The following SACS variants were observed in gnomAD, a reference collection of about 807,000 sequenced individuals.
The protein encoded by SACS is sacsin.
A neutral mutation model predicts 348.0 loss-of-function variants in SACS; 197 were observed. The ratio of observed to expected loss-of-function variants is 0.57; its 90% CI spans 0.50 to 0.64. The LOEUF (loss-of-function observed/expected upper bound fraction) is 0.64, where lower values mean the gene tolerates loss of function less well. SACS is among the 30% of genes least tolerant of loss of function. The pLI is 0.00. For missense variants in SACS, 4,999 were observed against 5,360.8 expected, an observed-to-expected ratio of 0.93 and a Z score of 2.11; for synonymous variants, 1,985 against 1,910.6, an observed-to-expected ratio of 1.04 and a Z score of -1.02.
In SACS at chr13:23,338,193, T is replaced by C. The variant is rs1335665800; in HGVS notation, c.5683A>G (p.Asn1895Asp). The C allele has an allele frequency of 1.2e-6, 2 of 1,614,074 alleles. No homozygotes were observed. The highest frequency in any genetic ancestry group is 1.7e-6 in the Non-Finnish European group (2 of 1,180,026). Residue 1895 changes from asparagine (N) to aspartate (D), a missense_variant, in exon 10 of 10, where the codon AAT becomes GAT. Asn to Asp is a conservative substitution (Grantham distance 23, BLOSUM62 1). Transcript: ENST00000382292. Reference sequence around the variant, plus strand: ...TCTGTTTTCCAGATTTCTTTCCTATTTGATGTAACAGCAAAGCACCCATTG... The same window carrying C: ...TCTGTTTTCCAGATTTCTTTCCTATCTGATGTAACAGCAAAGCACCCATTG... ...HINGCFAVTS[N>D]RKEIWKTDTK...
At chr13:23,400,926 T>C (rs1872948891) in intron 2 of SACS, among the ~76,000 whole-genome samples, 1 of 152,230 alleles carries the variant, frequency 6.6e-6, no homozygotes, top group Non-Finnish European at 1.5e-5. Context: ...ACCTTGTAAA[T>C]AGAGTGGTGT....
At chr13:23,377,493 C>T (rs139396549) in intron 2 of SACS, among the ~76,000 whole-genome samples, 54 of 152,260 alleles carry the variant, frequency 3.5e-4, no homozygotes, top group Non-Finnish European at 6.9e-4. Context: ...GACATCTTTG[C>T]TCCCAAATAG....
rs1868952065 is a variant in SACS, at chr13:23,339,140, A to G, written c.4736T>C (p.Ile1579Thr). ...IPIIMSREFM[I>T]MFDPNINHIS... is the part of the protein sequence containing the mutation. ...ATGATTTATGTTTGGATCGAACATT[A>G]TCATGAATTCCCGACTCATAATGAT... The change falls in exon 10 of 10, where the codon ATA becomes ACA. Residue 1579 changes from isoleucine (I) to threonine (T), a missense_variant. Coordinates refer to ENST00000382292, the MANE Select transcript of SACS (RefSeq NM_014363.6). The G allele has an allele frequency of 3.7e-6, 6 of 1,611,680 alleles. No homozygotes were observed. The highest frequency in any genetic ancestry group is 5.1e-6 in the Non-Finnish European group (6 of 1,178,482).
At position 23,355,287 on chromosome 13, in the gene SACS, C is replaced by T. The variant is rs1466258512; in HGVS notation, c.1325G>A (p.Gly442Glu). The T allele has an allele frequency of 6.2e-7, 1 of 1,614,144 alleles. No individual in the cohort carries two copies. The highest frequency in any genetic ancestry group is 8.5e-7 in the Non-Finnish European group (1 of 1,180,042). Residue 442 changes from glycine to glutamate, a missense_variant, in exon 8 of 10, where the codon GGA becomes GAA. Coordinates refer to ENST00000382292, the MANE Select transcript of SACS (RefSeq NM_014363.6). Reference protein sequence around the residue: ...EAKGATSDFSGKAFCFLPLPP... With the variant: ...EAKGATSDFSEKAFCFLPLPP... ...TAAAGGAAGGAAACAAAATGCTTTT[C>T]CTGAGAAATCAGACGTTGCTCCTTT...
At chr13:23,354,173 T>C (rs910909768) in intron 8 of SACS, among the ~76,000 whole-genome samples, 10 of 152,226 alleles carry the variant, frequency 6.6e-5, no homozygotes, top group Non-Finnish European at 8.8e-5. Context: ...TTACTTAATA[T>C]ACTATTTTTC....
chr13:23,337,564 C>T lies in SACS; in HGVS notation c.6312G>A (p.Gly2104=). 1.2e-6 allele frequency: 2 copies of T among 1,613,856 alleles called. No homozygotes were observed. The highest frequency in any genetic ancestry group is 1.7e-6 in the Non-Finnish European group (2 of 1,179,892). ...VTPCIPCSLE[G]HPLVLPSRLI... is the part of the protein sequence containing the mutation. ...ATCTTGATGGCAAAACCAAAGGATG[C>T]CCCTCCAAGGAACAAGGAATACATG... The change falls in exon 10 of 10, where the codon GGG becomes GGA. Residue 2104 remains glycine, a synonymous_variant. Transcript: ENST00000382292.
intron 9 of SACS, among the ~76,000 whole-genome samples, chr13:23,345,790 T>C (rs1027494964): frequency 1.3e-5 from 2 of 152,196 alleles, no homozygotes; most frequent in African/African-American, 2.4e-5. Flanking sequence ...CTTCAAATAA[T>C]AACATTTATC....
At chr13:23,432,702 G>C (rs868596871) in intron 1 of SACS, among the ~76,000 whole-genome samples, 1 of 152,110 alleles carries the variant, frequency 6.6e-6, no homozygotes, top group East Asian at 1.9e-4. Context: ...CATGACCTGT[G>C]AATCAATTAC....
At chr13:23,359,343 AAAAT>A (rs1205960818) in intron 6 of SACS, among the ~76,000 whole-genome samples, 11 of 152,344 alleles carry the variant, frequency 7.2e-5, no homozygotes, top group Non-Finnish European at 1.3e-4. Context: ...TTTATTTTAA[AAAAT>A]AAATCTTATT....
At position 23,354,987 on chromosome 13, in the gene SACS, T is replaced by G. The variant is rs1440516820; in HGVS notation, c.1625A>C (p.Lys542Thr). 1.2e-6 allele frequency: 2 copies of G among 1,614,136 alleles called. No individual in the cohort carries two copies. The highest frequency in any genetic ancestry group is 2.7e-5 in the African/African-American group (2 of 74,944). Residue 542 changes from lysine (K) to threonine (T), a missense_variant, in exon 8 of 10, where the codon AAG becomes ACG. This residue lies in a region of SACS where 3,156 missense variants were observed against 3,380.1 expected (regional missense o/e 0.93). Transcript: ENST00000382292. ...YKLWPEASKV[K>T]VHWQPVLEPL... ...CTCTAACACCGGTTGCCAGTGCACC[T>G]TGACTTTGCTCGCCTCCGGCCAAAG...
Position 23,338,725 on chromosome 13 carries a change from T to C in SACS, c.5151A>G (p.Lys1717=), listed in dbSNP as rs780648612. 5.6e-6 allele frequency: 9 copies of C among 1,596,738 alleles called. No individual in the cohort carries two copies. Among genetic ancestry groups the C allele is most frequent in the Non-Finnish European group, 6.8e-6 (8 of 1,171,290 alleles). The part of the protein sequence containing the change: ...LAQDTVIIKK[K]SCSSKALNTP... ...TGTTCAATGCTTTGGAAGAGCAGGA[T>C]TTTTTTTTAATTATTACTGTATCTT... The change falls in exon 10 of 10, where the codon AAA becomes AAG. Residue 1717 remains lysine, a synonymous_variant. Transcript: ENST00000382292.
intron 2 of SACS, among the ~76,000 whole-genome samples, chr13:23,387,407 A>G (rs1027986338): frequency 4.2e-5 from 6 of 143,968 alleles, no homozygotes; most frequent in Admixed American, 7.5e-5. Flanking sequence ...GCTTGCAGTG[A>G]GCAGAGATCG....
At chr13:23,419,206 G>A (rs1019269404) in intron 1 of SACS, 1 of 152,384 alleles carries the variant, frequency 6.6e-6, no homozygotes, top group Admixed American at 6.5e-5. Flanking sequence ...ACAGGCACGG[G>A]AGCTGAGAGA....
At chr13:23,361,158 G>A (rs763725030) in intron 6 of SACS, among the ~76,000 whole-genome samples, 4 of 152,156 alleles carry the variant, frequency 2.6e-5, no homozygotes, top group Non-Finnish European at 2.9e-5. Flanking sequence ...CAACTGTCCC[G>A]GGGTCTGGGA....
Position 23,354,693 on chromosome 13 carries a change from T to A in SACS, c.1919A>T (p.His640Leu). The change falls in exon 8 of 10, where the codon CAC (histidine) becomes CTC (leucine). Residue 640 changes from histidine (H) to leucine (L), a missense_variant. Coordinates refer to ENST00000382292, the MANE Select transcript of SACS (RefSeq NM_014363.6). ...WVRQVLRKCA[H>L]LGCAEEKLHL... Reference sequence around the variant, plus strand: ...AAGCTTTTCTTCAGCACAGCCCAGGTGTGCACACTTCCGCAGCACCTGCCG... The same window carrying A: ...AAGCTTTTCTTCAGCACAGCCCAGGAGTGCACACTTCCGCAGCACCTGCCG... The A allele has an allele frequency of 6.2e-7, 1 of 1,614,116 alleles. No homozygotes were observed. Among genetic ancestry groups the A allele is most frequent in the Non-Finnish European group, 8.5e-7 (1 of 1,179,984 alleles).
Position 23,330,037 on chromosome 13 carries a change from A to T in SACS, c.*99T>A. ...TCCAAGAACAATCTGCAATGTGCTT[A>T]ACAATTCCTAGCTAATTGGCAATGA... On this transcript the variant is annotated 3_prime_UTR_variant, in exon 10 of 10. Coordinates refer to ENST00000382292, the MANE Select transcript of SACS (RefSeq NM_014363.6). 1 of 1,094,128 alleles carries T rather than the reference A, an allele frequency of 9.1e-7. No individual in the cohort carries two copies. The highest frequency in any genetic ancestry group is 1.4e-6 in the Non-Finnish European group (1 of 737,666). 67.8% of individuals were successfully genotyped at this position (1,094,128 alleles called of 1,614,324 possible). A position where few individuals can be genotyped will look rare whatever the true frequency, so the allele number is the denominator to read the frequency against.
At chr13:23,423,536 C>G (rs773952111) in intron 1 of SACS, among the ~76,000 whole-genome samples, 1 of 152,152 alleles carries the variant, frequency 6.6e-6, no homozygotes. Context: ...ATTGTAGAAT[C>G]TAAGTAATGA....
At chr13:23,375,378 G>A (rs893317731) in intron 2 of SACS, 109 bp from the exon 3 acceptor site, 24 of 1,248,392 alleles carry the variant, frequency 1.9e-5, no homozygotes, top group Admixed American at 4.3e-5. Flanking sequence ...CGCGGCAGGC[G>A]CCCCTAGCGC....
intron 2 of SACS, among the ~76,000 whole-genome samples, chr13:23,384,580 T>C (rs908757574): frequency 6.6e-6 from 1 of 152,240 alleles, no homozygotes; most frequent in African/African-American, 2.4e-5. Flanking sequence ...TGAGTTGATT[T>C]ATCCTTTCAC....
Sources: gnomAD v4.1 joint callset for allele counts (sites outside exome capture counted in the v4.1 genomes callset) on GRCh38, gnomAD v4.1.1 for gene constraint, gnomAD v4.1.1 regional missense constraint, MANE v1.5 for transcripts, NCBI Gene and HGNC (gene_info 2026-07-23, HGNC 2026-07-21) for gene names.